PCSK2: variants seen among roughly 807,000 people sequenced by gnomAD.
PCSK2 encodes proprotein convertase subtilisin/kexin type 2, also known as neuroendocrine convertase 2.
A neutral mutation model predicts 69.7 loss-of-function variants in PCSK2; 14 were observed. That is an observed-to-expected ratio of 0.20 (90% confidence interval 0.13 to 0.31). PCSK2 has a LOEUF of 0.31. Ranked by LOEUF, PCSK2 falls within the 10% of genes least tolerant of loss-of-function variation. The pLI is 1.00. For synonymous variants in PCSK2, 307 were observed against 320.7 expected, an observed-to-expected ratio of 0.96 and a Z score of 0.46; for missense variants, 544 against 842.5, an observed-to-expected ratio of 0.65 and a Z score of 4.39.
chr20:17,286,632 A>G (rs918220552), intron 2 of PCSK2, among the ~76,000 whole-genome samples: 6 of 152,180 alleles, frequency 3.9e-5, no homozygotes, highest in Non-Finnish European at 8.8e-5. Context: ...TGCTTTGGAT[A>G]TTACCTTTCT....
At chr20:17,467,230 A>G (rs956347) in intron 11 of PCSK2, among the ~76,000 whole-genome samples, 48,498 of 152,128 alleles carry the variant, frequency 0.32, 8,531 homozygotes, top group South Asian at 0.57. Flanking sequence ...TGCTTTAGCA[A>G]TTCTCAACCT....
chr20:17,335,428 T>TGTGTGTGTGA (rs1990321784), intron 2 of PCSK2, among the ~76,000 whole-genome samples: 1 of 4,460 alleles, frequency 2.2e-4, no homozygotes, highest in Non-Finnish European at 5.7e-4. Flanking sequence ...AGCATCACTT[T>TGTGTGTGTGA]GTGTGTGTGT....
chr20:17,452,838 A>T (rs2269024), intron 8 of PCSK2, among the ~76,000 whole-genome samples: 1 of 152,052 alleles, frequency 6.6e-6, no homozygotes, highest in Non-Finnish European at 1.5e-5. Context: ...AGAGGAAAAT[A>T]CTCAGAAGAC....
Position 17,453,691 on chromosome 20 carries a change from C to G in PCSK2, c.886-51C>G. 1 of 1,601,288 alleles carries G rather than the reference C, an allele frequency of 6.2e-7. No homozygotes were observed. Among genetic ancestry groups the G allele is most frequent in the Admixed American group, 1.7e-5 (1 of 59,808 alleles). On this transcript the variant is annotated intron_variant, in intron 8 of 11. Coordinates refer to ENST00000262545, the MANE Select transcript of PCSK2 (RefSeq NM_002594.5). This position sits in a 1 kb window ranked among gnomAD's most constrained non-coding sequence, Gnocchi z 4.0. ...CCTGGGCTGGAGACCTCCCCTGCCC[C>G]CTCGCAGCCCAGGCTGTGGGTAGCG...
chr20:17,480,361 T>C (rs923675406), intron 11 of PCSK2, among the ~76,000 whole-genome samples: 19 of 151,944 alleles, frequency 1.3e-4, no homozygotes, highest in African/African-American at 4.1e-4. Context: ...GGCTAATTTT[T>C]CGTATTTTTA....
intron 8 of PCSK2, among the ~76,000 whole-genome samples, chr20:17,439,488 T>C (rs1020827006): frequency 6.6e-6 from 1 of 152,182 alleles, no homozygotes; most frequent in Non-Finnish European, 1.5e-5. Context: ...TTAGCTTCTG[T>C]CCCTGTGTCC....
At chr20:17,280,154 T>A (rs1988253809) in intron 2 of PCSK2, among the ~76,000 whole-genome samples, 1 of 152,232 alleles carries the variant, frequency 6.6e-6, no homozygotes, top group South Asian at 2.1e-4. Flanking sequence ...TAAGAGTTTT[T>A]TAACCAAAAT....
At chr20:17,411,287 G>A (rs1034213847) in intron 6 of PCSK2, among the ~76,000 whole-genome samples, 7 of 152,236 alleles carry the variant, frequency 4.6e-5, no homozygotes, top group African/African-American at 9.6e-5. Flanking sequence ...AAAGGAAGCC[G>A]TGACAGACTG....
intron 11 of PCSK2, chr20:17,479,175 C>T: frequency 7.2e-7 from 1 of 1,385,590 alleles, no homozygotes; most frequent in Non-Finnish European, 1.0e-6. Context: ...ATGTGGTATC[C>T]CAAAAACAGG....
intron 2 of PCSK2, among the ~76,000 whole-genome samples, chr20:17,261,543 T>C (rs1001828581): frequency 6.6e-6 from 1 of 152,212 alleles, no homozygotes; most frequent in Non-Finnish European, 1.5e-5. Context: ...ACTTTTGCAG[T>C]AACAATTAAG....
chr20:17,429,675 A>G (rs947067966), intron 7 of PCSK2, 152 bp downstream of exon 7: 1 of 536,944 alleles, frequency 1.9e-6, no homozygotes. Context: ...TAACCTGCAT[A>G]ACAATATCAA....
intron 11 of PCSK2, among the ~76,000 whole-genome samples, chr20:17,475,173 G>A (rs1034042541): frequency 4.6e-5 from 7 of 151,886 alleles, no homozygotes; most frequent in African/African-American, 1.5e-4. Flanking sequence ...GAGCATCAAC[G>A]CCACCACACA....
chr20:17,281,102 G>A (rs973917787), intron 2 of PCSK2, among the ~76,000 whole-genome samples: 1 of 152,132 alleles, frequency 6.6e-6, no homozygotes, highest in African/African-American at 2.4e-5. Context: ...CCCAGGTGAG[G>A]TTCACCTTCA....
chr20:17,394,372 G>A (rs2031460227), intron 5 of PCSK2, among the ~76,000 whole-genome samples: 2 of 152,224 alleles, frequency 1.3e-5, no homozygotes, highest in African/African-American at 4.8e-5. Context: ...ACCACTTGGA[G>A]AGAACTGGAG....
chr20:17,322,577 CAG>C (rs1989902426), intron 2 of PCSK2, among the ~76,000 whole-genome samples: 1 of 152,166 alleles, frequency 6.6e-6, no homozygotes, highest in African/African-American at 2.4e-5. Context: ...TTATGAAGAA[CAG>C]AAATTTATTT....
chr20:17,304,334 A>G (rs1163476511), intron 2 of PCSK2, among the ~76,000 whole-genome samples: 1 of 152,206 alleles, frequency 6.6e-6, no homozygotes, highest in African/African-American at 2.4e-5. Context: ...GAAGGAATTA[A>G]TAGCAGTAAC....
At chr20:17,260,407 G>T (rs762705912) in intron 2 of PCSK2, 63 bp downstream of exon 2, 26 of 1,112,186 alleles carry the variant, frequency 2.3e-5, no homozygotes, top group Non-Finnish European at 3.2e-5. Context: ...CACCAAGGGG[G>T]TGTGGAGGGG....
chr20:17,323,483 A>G (rs1989941293), intron 2 of PCSK2, among the ~76,000 whole-genome samples: 1 of 152,214 alleles, frequency 6.6e-6, no homozygotes, highest in Non-Finnish European at 1.5e-5. Flanking sequence ...ATCGGTTCAC[A>G]GTCATCTTTT....
chr20:17,318,998 C>CAA lies in PCSK2; in HGVS notation c.283-39328_283-39327insAA, dbSNP rs1989780028. Reference sequence around the variant, plus strand: ...TCATTTCTGAGCCAGTGTTTGAAGACAGATCATGCTTTGTGAGAAAAACAT... The same window carrying CAA: ...TCATTTCTGAGCCAGTGTTTGAAGACAAAGATCATGCTTTGTGAGAAAAACAT... On this transcript the variant is annotated intron_variant, in intron 2 of 11. Transcript: ENST00000262545. 3.3e-5 allele frequency among the ~76,000 whole-genome samples: 5 copies of CAA among 152,288 alleles called. No homozygotes were observed. In the South Asian group the frequency reaches 1.0e-3, roughly 32 times the overall value.
Sources: gnomAD v4.1 joint callset for allele counts (sites outside exome capture counted in the v4.1 genomes callset) on GRCh38, gnomAD v4.1.1 for gene constraint, Gnocchi (gnomAD v3.1) non-coding constraint, MANE v1.5 for transcripts, NCBI Gene and HGNC (gene_info 2026-07-23, HGNC 2026-07-21) for gene names.